The following PKD1L1 variants were observed in gnomAD, a reference collection of about 807,000 sequenced individuals.
The protein encoded by PKD1L1 is polycystin-1-like protein 1.
In PKD1L1, 236 loss-of-function variants were observed where a neutral mutation model predicts 323.4. The ratio of observed to expected loss-of-function variants is 0.73; its 90% confidence interval spans 0.66 to 0.81. PKD1L1 has a LOEUF of 0.81. PKD1L1 is among the 40% of genes least tolerant of loss of function. The pLI is 0.00. For missense variants in PKD1L1, 3,320 were observed against 3,508.0 expected (o/e 0.95, Z 1.35); for synonymous variants, 1,344 against 1,335.0 (o/e 1.01, Z -0.15).
chr7:47,842,148 T>C lies in PKD1L1; in HGVS notation c.5445+814A>G, dbSNP rs997821105. Among the ~76,000 whole-genome samples, 9 of 152,252 alleles carry C rather than the reference T, an allele frequency of 5.9e-5. No homozygotes were observed. In the South Asian group the frequency reaches 1.0e-3, roughly 18 times the overall value. ...TCCTTTGTTAGGTTAAGAACATTCC[T>C]ATGTGTATGCATTGCTTGTGAATAT... On this transcript the variant is annotated intron_variant, in intron 34 of 56. Coordinates refer to ENST00000289672, the MANE Select transcript of PKD1L1 (RefSeq NM_138295.5).
chr7:47,903,149 G>T (rs1290403542), intron 12 of PKD1L1, among the ~76,000 whole-genome samples: 1 of 152,172 alleles, frequency 6.6e-6, no homozygotes, highest in East Asian at 1.9e-4. Context: ...TGCAAATGTT[G>T]CAACATGGAT....
chr7:47,812,849 C>G (rs1321721607), intron 49 of PKD1L1, among the ~76,000 whole-genome samples: 1 of 152,234 alleles, frequency 6.6e-6, no homozygotes, highest in Non-Finnish European at 1.5e-5. Context: ...GCAACAAATG[C>G]TCCTTATATT....
chr7:47,959,671 C>G, the PKD1L1 span, among the ~76,000 whole-genome samples: 68 of 110,674 alleles, frequency 6.1e-4, no homozygotes, highest in South Asian at 8.5e-4. Context: ...CCCCGCCAGG[C>G]CAGCCGCCCC....
chr7:47,912,833 A>AG (rs1787351157), intron 8 of PKD1L1, among the ~76,000 whole-genome samples: 1 of 151,490 alleles, frequency 6.6e-6, no homozygotes, highest in Non-Finnish European at 1.5e-5. Context: ...AAAAAAAAAA[A>AG]AAAAAGAAAA....
In PKD1L1 at chr7:47,884,615, G is replaced by A. The variant is rs1192452957; in HGVS notation, c.3248C>T (p.Ser1083Leu). 6.2e-6 allele frequency: 10 copies of A among 1,613,836 alleles called. No individual in the cohort carries two copies. The highest frequency in any genetic ancestry group is 7.6e-6 in the Non-Finnish European group (9 of 1,179,852). ...ACAGTCACCTGGCTGTCTTCCTCCC[G>A]ATGGTATTGCTTCTTGAATGTCACT... ...YYSDIQEAIPSGGRQPAKDTS... is the reference protein window; with the variant it reads ...YYSDIQEAIPLGGRQPAKDTS... Residue 1083 changes from serine (S) to leucine (L), a missense_variant, in exon 19 of 57, where the codon TCG becomes TTG. Physicochemically the swap from Ser to Leu is moderately radical, Grantham distance 145. Transcript: ENST00000289672.
At chr7:47,904,071 T>A (rs766753787) in intron 12 of PKD1L1, among the ~76,000 whole-genome samples, 56 of 152,160 alleles carry the variant, frequency 3.7e-4, no homozygotes, top group Non-Finnish European at 6.6e-4. Flanking sequence ...TTTGGGAGCC[T>A]CTCTCCCATT....
At chr7:47,932,552 G>C (rs76577236) in intron 4 of PKD1L1, among the ~76,000 whole-genome samples, 3 of 152,218 alleles carry the variant, frequency 2.0e-5, no homozygotes, top group Non-Finnish European at 4.4e-5. Flanking sequence ...CAGCAGGGAC[G>C]AGGGTCAGTT....
chr7:47,821,042 C>G (rs770961651), intron 46 of PKD1L1, 34 bp downstream of exon 46: 1 of 1,330,800 alleles, frequency 7.5e-7, no homozygotes. Context: ...AGTGCAATGG[C>G]CCCAGATCTG....
chr7:47,841,238 T>C (rs772380156), intron 34 of PKD1L1, among the ~76,000 whole-genome samples: 58 of 152,234 alleles, frequency 3.8e-4, no homozygotes, highest in Non-Finnish European at 7.3e-4. Flanking sequence ...AGTACCTTTT[T>C]CTACAAGGGC....
Position 47,840,416 on chromosome 7 carries a change from T to C in PKD1L1, c.5552+45A>G, listed in dbSNP as rs770197585. ...TGTGATAAGGTTACACCAATTCTGA[T>C]TGGCCTCTCTTTCCCAAATCTAGCA... On this transcript the variant is annotated intron_variant, in intron 35 of 56. Coordinates refer to ENST00000289672, the MANE Select transcript of PKD1L1 (RefSeq NM_138295.5). This position sits in a 1 kb window ranked among gnomAD's most constrained non-coding sequence, Gnocchi z 4.1. 88 of 1,404,936 alleles carry C rather than the reference T, an allele frequency of 6.3e-5. No individual in the cohort carries two copies. Among genetic ancestry groups the C allele is most frequent in the Non-Finnish European group, 8.0e-5 (79 of 990,714 alleles). The allele number at this position is 1,404,936 out of a possible 1,614,324, so 87.0% of individuals were successfully genotyped here.
At chr7:47,865,340 T>A in intron 25 of PKD1L1, 68 bp from the exon 26 acceptor site, 3 of 1,403,876 alleles carry the variant, frequency 2.1e-6, no homozygotes, top group Non-Finnish European at 3.0e-6. Context: ...TTGTTTGGGT[T>A]AAAGTTACAG....
rs1357937253 is a variant in PKD1L1 at position 47,774,933 on chromosome 7, A to G, written c.*210T>C. 1.7e-6 allele frequency: 1 copy of G among 596,868 alleles called. No homozygotes were observed. The highest frequency in any genetic ancestry group is 1.9e-5 in the African/African-American group (1 of 53,976). The allele number at this position is 596,868 out of a possible 1,614,324, so 37.0% of individuals were successfully genotyped here. A position where few individuals can be genotyped will look rare whatever the true frequency, so the allele number is the denominator to read the frequency against. On this transcript the variant is annotated 3_prime_UTR_variant, in exon 57 of 57. Transcript: ENST00000289672. Reference sequence around the variant, plus strand: ...CTTGTCCCACATCTGAACTCTCCGAATGGTGATTATGAGTAACAGTCTGAT... The same window carrying G: ...CTTGTCCCACATCTGAACTCTCCGAGTGGTGATTATGAGTAACAGTCTGAT...
intron 8 of PKD1L1, 24 bp downstream of exon 8, chr7:47,915,408 C>T (rs1374513469): frequency 4.9e-6 from 4 of 810,378 alleles, no homozygotes; most frequent in African/African-American, 1.7e-5. Context: ...TCCTTGTGGC[C>T]TCTTTTTGCT....
At chr7:47,836,357 T>C (rs1785457944) in intron 37 of PKD1L1, among the ~76,000 whole-genome samples, 1 of 152,172 alleles carries the variant, frequency 6.6e-6, no homozygotes, top group South Asian at 2.1e-4. Flanking sequence ...GCCATGATGT[T>C]GTCGTAGTAA....
At position 47,843,178 on chromosome 7, in the gene PKD1L1, A is replaced by C. The variant is rs747391041; in HGVS notation, c.5238-9T>G. On this transcript the variant is annotated splice_polypyrimidine_tract_variant and intron_variant, in intron 33 of 56. Coordinates refer to ENST00000289672, the MANE Select transcript of PKD1L1 (RefSeq NM_138295.5). ...GCAAGTTTTCTGGGTGGCTATAAACAAAAGGAGAGATATAAAGAAAATTGC... is the reference window on the plus strand; with the variant it reads ...GCAAGTTTTCTGGGTGGCTATAAACCAAAGGAGAGATATAAAGAAAATTGC... The C allele has an allele frequency of 6.3e-7, 1 of 1,593,014 alleles. No individual in the cohort carries two copies. The highest frequency in any genetic ancestry group is 8.6e-7 in the Non-Finnish European group (1 of 1,166,522).
At position 47,815,376 on chromosome 7, in the gene PKD1L1, C is replaced by T. The variant is rs945567963; in HGVS notation, c.7047G>A (p.Leu2349=). 5.0e-6 allele frequency: 8 copies of T among 1,614,096 alleles called. No individual in the cohort carries two copies. The African/African-American group carries it at 8.0e-5, about 16-fold the overall frequency. The change falls in exon 47 of 57, where the codon CTG becomes CTA. Residue 2349 remains leucine, a synonymous_variant. Transcript: ENST00000289672. ...GGGCTGACGGGGTGCCTCCCGGGTA[C>T]AGGCCATCCAGAAGTGTGGTCAGAC... ...DWSLTTLLDG[L]YPGGTPSARV...
In PKD1L1 at chr7:47,829,609, G is replaced by A. The variant is rs1785302980; in HGVS notation, c.6559-8C>T. 2 of 1,601,364 alleles carry A rather than the reference G, an allele frequency of 1.2e-6. No individual in the cohort carries two copies. The highest frequency in any genetic ancestry group is 2.2e-5 in the South Asian group (2 of 89,420). ...CAAGGCCATGAGGCATACCTGGAAGGAAAAACATGACAGCGCAGAGAGCCG... is the reference window on the plus strand; with the variant it reads ...CAAGGCCATGAGGCATACCTGGAAGAAAAAACATGACAGCGCAGAGAGCCG... On this transcript the variant is annotated splice_region_variant and splice_polypyrimidine_tract_variant and intron_variant, in intron 43 of 56. Coordinates refer to ENST00000289672, the MANE Select transcript of PKD1L1 (RefSeq NM_138295.5).
intron 49 of PKD1L1, among the ~76,000 whole-genome samples, chr7:47,812,744 T>C (rs1784927912): frequency 6.6e-6 from 1 of 152,124 alleles, no homozygotes; most frequent in South Asian, 2.1e-4. Flanking sequence ...CCCCTCACCC[T>C]CAGGACATGG....
Position 47,792,700 on chromosome 7 carries a change from GT to G in PKD1L1, c.8452del (p.Thr2818HisfsTer15), listed in dbSNP as rs761514270. ...CCTTGCCTCCCCTGTGTTGTTGGAT[GT>G]TTTTTCCAGAAGGGGGAGTTGTAGG... Reference protein sequence around the residue: ...DSLQLPLLEKTSNNTGEARTE... With the variant: ...DSLQLPLLEKXSNNTGEARTE... On this transcript the variant is annotated frameshift_variant, in exon 56 of 57. Transcript: ENST00000289672. LOFTEE classifies it high-confidence loss of function. 1 of 1,614,080 alleles carries G rather than the reference GT, an allele frequency of 6.2e-7. No individual in the cohort carries two copies. The highest frequency in any genetic ancestry group is 8.5e-7 in the Non-Finnish European group (1 of 1,179,950).
Sources: allele counts gnomAD v4.1 joint callset (sites outside exome capture counted in the v4.1 genomes callset), GRCh38; gene constraint gnomAD v4.1.1; non-coding constraint Gnocchi (gnomAD v3.1); transcripts MANE v1.5; gene names NCBI Gene and HGNC (gene_info 2026-07-23, HGNC 2026-07-21).